Variants in GPC6 observed in about 807,000 individuals in gnomAD.
GPC6 encodes glypican 6, also known as glypican-6.
A neutral mutation model predicts 55.2 loss-of-function variants in GPC6; 14 were observed. That is an observed-to-expected ratio of 0.25 (90% CI 0.17 to 0.40). GPC6 has a LOEUF of 0.40. Among genes scored for constraint, GPC6 ranks in the 10% least tolerant of loss-of-function variants. The pLI is 1.00. For missense variants in GPC6, 641 were observed against 708.5 expected (o/e 0.90, Z 1.08); for synonymous variants, 278 against 259.6 (o/e 1.07, Z -0.68).
chr13:93,600,128 A>G (rs1024519183), intron 2 of GPC6, among the ~76,000 whole-genome samples: 1 of 152,228 alleles, frequency 6.6e-6, no homozygotes, highest in Non-Finnish European at 1.5e-5. Flanking sequence ...TCCATCTACT[A>G]TGTAACTTAT....
intron 2 of GPC6, among the ~76,000 whole-genome samples, chr13:93,772,595 A>C (rs1168246612): frequency 6.6e-6 from 1 of 152,140 alleles, no homozygotes; most frequent in African/African-American, 2.4e-5. Context: ...AAGAGAAACA[A>C]GAAAAAAAGA....
chr13:93,772,022 C>T (rs80280916), intron 2 of GPC6, among the ~76,000 whole-genome samples: 3,215 of 152,132 alleles, frequency 0.021, 133 homozygotes, highest in African/African-American at 0.073. Flanking sequence ...ATTTTTGAAG[C>T]GTTTGGAAGA....
At chr13:94,328,594 G>A (rs886319114) in intron 6 of GPC6, among the ~76,000 whole-genome samples, 36 of 152,242 alleles carry the variant, frequency 2.4e-4, no homozygotes, top group African/African-American at 8.2e-4. Flanking sequence ...CGTGAAGAGA[G>A]ACCCCATCCA....
chr13:93,680,101 G>C (rs574196692), intron 2 of GPC6, among the ~76,000 whole-genome samples: 1 of 152,278 alleles, frequency 6.6e-6, no homozygotes, highest in South Asian at 2.1e-4. Context: ...CAGTACCTCA[G>C]AATGTGATTT....
chr13:94,117,893 T>C (rs1886488677), intron 4 of GPC6, among the ~76,000 whole-genome samples: 1 of 152,086 alleles, frequency 6.6e-6, no homozygotes, highest in East Asian at 1.9e-4. Flanking sequence ...AGTAGGAGCA[T>C]GCTTGGAAAA....
chr13:93,948,271 T>TA (rs1879103510), intron 3 of GPC6, among the ~76,000 whole-genome samples: 1 of 152,222 alleles, frequency 6.6e-6, no homozygotes, highest in Non-Finnish European at 1.5e-5. Context: ...TTCAAATACA[T>TA]ATTCATGTAG....
intron 4 of GPC6, among the ~76,000 whole-genome samples, chr13:94,271,769 C>T (rs1892035110): frequency 6.6e-6 from 1 of 152,094 alleles, no homozygotes; most frequent in Admixed American, 6.6e-5. Context: ...CTGTCTCCCC[C>T]TCCCTTTTTC....
In GPC6 at chr13:93,227,456, C is replaced by T. The variant is rs1875831679; in HGVS notation, c.-1C>T. On this transcript the variant is annotated 5_prime_UTR_variant, in exon 1 of 9. Transcript: ENST00000377047. This position sits in a 1 kb window ranked among gnomAD's most constrained non-coding sequence, Gnocchi z 4.3. ...ACCGAGCTGGATTTGTATGTTGCAC[C>T]ATGCCTTCTTGGATCGGGGCTGTGA... 1 of 1,613,808 alleles carries T rather than the reference C, an allele frequency of 6.2e-7. No individual in the cohort carries two copies. Among genetic ancestry groups the T allele is most frequent in the East Asian group, 2.2e-5 (1 of 44,820 alleles).
intron 2 of GPC6, among the ~76,000 whole-genome samples, chr13:93,594,105 A>G (rs1877615347): frequency 6.6e-6 from 1 of 152,112 alleles, no homozygotes; most frequent in Non-Finnish European, 1.5e-5. Flanking sequence ...AGAGGATGGG[A>G]GCTTAGAGGT....
intron 2 of GPC6, among the ~76,000 whole-genome samples, chr13:93,645,202 A>C (rs1383471070): frequency 6.6e-6 from 1 of 151,714 alleles, no homozygotes; most frequent in Non-Finnish European, 1.5e-5. Flanking sequence ...TTCTGACCTT[A>C]ATTTTTCATG....
chr13:94,059,262 A>G (rs1884240422), intron 4 of GPC6, among the ~76,000 whole-genome samples: 1 of 151,916 alleles, frequency 6.6e-6, no homozygotes, highest in Non-Finnish European at 1.5e-5. Context: ...AGGCAAAAAT[A>G]ACAATTGCTG....
intron 2 of GPC6, among the ~76,000 whole-genome samples, chr13:93,787,276 A>G (rs1206040153): frequency 6.6e-6 from 1 of 152,222 alleles, no homozygotes; most frequent in Non-Finnish European, 1.5e-5. Flanking sequence ...TTCTCTGTAC[A>G]GAGCAGAGGG....
chr13:93,578,530 C>A (rs1412972162), intron 2 of GPC6, among the ~76,000 whole-genome samples: 5 of 151,670 alleles, frequency 3.3e-5, no homozygotes, highest in Non-Finnish European at 5.9e-5. Flanking sequence ...TCTATGATCT[C>A]AGTTCTTATG....
chr13:94,332,777 T>A (rs1877492453), intron 6 of GPC6, among the ~76,000 whole-genome samples: 1 of 152,254 alleles, frequency 6.6e-6, no homozygotes, highest in Admixed American at 6.5e-5. Context: ...TGGTTTTCAC[T>A]GAATTGACCA....
At chr13:93,855,581 G>T (rs1300226098) in intron 3 of GPC6, among the ~76,000 whole-genome samples, 3 of 151,542 alleles carry the variant, frequency 2.0e-5, no homozygotes, top group Non-Finnish European at 3.0e-5. Context: ...ATAGTTTTGG[G>T]AGAAACTGAC....
At chr13:93,988,575 C>T (rs1727263310) in intron 3 of GPC6, among the ~76,000 whole-genome samples, 1 of 152,090 alleles carries the variant, frequency 6.6e-6, no homozygotes, top group African/African-American at 2.4e-5. Flanking sequence ...AGTCTTTCTT[C>T]CATTTTAATA....
At chr13:93,436,953 A>C (rs780823499) in intron 1 of GPC6, among the ~76,000 whole-genome samples, 1 of 148,318 alleles carries the variant, frequency 6.7e-6, no homozygotes, top group South Asian at 2.2e-4. Flanking sequence ...TGTTGGTGCC[A>C]TTTTTTTTTC....
chr13:94,206,126 T>C (rs1462701641), intron 4 of GPC6, among the ~76,000 whole-genome samples: 2 of 152,168 alleles, frequency 1.3e-5, no homozygotes, highest in Non-Finnish European at 2.9e-5. Flanking sequence ...TCTTAATCCT[T>C]CTTAAGCTCC....
chr13:93,278,610 C>T (rs9523995), intron 1 of GPC6, among the ~76,000 whole-genome samples: 38,269 of 152,042 alleles, frequency 0.25, 5,012 homozygotes, highest in African/African-American at 0.32. Flanking sequence ...TTCTTATTCA[C>T]GTACAATAAA....
Sources: gnomAD v4.1 joint callset for allele counts (sites outside exome capture counted in the v4.1 genomes callset) on GRCh38, gnomAD v4.1.1 for gene constraint, Gnocchi (gnomAD v3.1) non-coding constraint, MANE v1.5 for transcripts, NCBI Gene and HGNC (gene_info 2026-07-23, HGNC 2026-07-21) for gene names.